The following FBLN1 variants were observed in gnomAD, a reference collection of about 807,000 sequenced individuals.
FBLN1 encodes the protein fibulin 1, also known as fibulin-1.
In FBLN1, 34 loss-of-function variants were observed where a neutral mutation model predicts 89.7. That is an observed-to-expected ratio of 0.38 (90% CI 0.29 to 0.50). The LOEUF is 0.50. Ranked by LOEUF, FBLN1 falls within the 20% of genes least tolerant of loss-of-function variation. The pLI is 0.92. For synonymous variants in FBLN1, 393 were observed against 391.3 expected, an observed-to-expected ratio of 1.00 and a Z score of -0.05; for missense variants, 777 against 988.1, an observed-to-expected ratio of 0.79 and a Z score of 2.86.
In FBLN1 at chr22:45,600,334, T is replaced by C. The variant is rs772037348; in HGVS notation, c.2000T>C (p.Val667Ala). 6.2e-7 allele frequency: 1 copy of C among 1,614,212 alleles called. No homozygotes were observed. The highest frequency in any genetic ancestry group is 8.5e-7 in the Non-Finnish European group (1 of 1,180,034). The change falls in exon 17 of 17, where the codon GTG (valine) becomes GCG (alanine). Residue 667 changes from valine to alanine, a missense_variant. By Grantham distance (64) the Val-to-Ala change is moderately conservative. Coordinates refer to ENST00000327858, the MANE Select transcript of FBLN1 (RefSeq NM_006486.3). ...VGVVRQVRPIVGPFHAVLKLE... is the reference protein window; with the variant it reads ...VGVVRQVRPIAGPFHAVLKLE... ...GTCGTGCGCCAGGTGCGGCCCATCG[T>C]GGGCCCATTTCATGCCGTCCTGAAG... is the stretch of plus-strand genomic sequence containing the variant.
intron 2 of FBLN1, among the ~76,000 whole-genome samples, chr22:45,520,296 G>A (rs1045520426): frequency 1.3e-5 from 2 of 152,178 alleles, no homozygotes; most frequent in Non-Finnish European, 2.9e-5. Flanking sequence ...CTCAACCACC[G>A]GTTCCTCATA....
intron 14 of FBLN1, among the ~76,000 whole-genome samples, chr22:45,555,848 C>T (rs2088781627): frequency 1.3e-5 from 2 of 152,148 alleles, no homozygotes; most frequent in South Asian, 4.1e-4. Context: ...CAATCCCCAA[C>T]CCAAATACTA....
chr22:45,583,777 G>A lies in FBLN1; in HGVS notation c.1972+6669G>A, dbSNP rs1000532620. 3.9e-5 allele frequency among the ~76,000 whole-genome samples: 6 copies of A among 152,120 alleles called. No homozygotes were observed. The highest frequency in any genetic ancestry group is 7.2e-5 in the African/African-American group (3 of 41,406). ...TGCAGGGCCAATGGGAAGGGGAAGC[G>A]CCTGCAGCATGAGAGAGAGAGAGAA... On this transcript the variant is annotated intron_variant, in intron 16 of 16. Transcript: ENST00000327858. The surrounding 1 kb of genome is among the most constrained non-coding windows in gnomAD (Gnocchi z 4.5).
intron 16 of FBLN1, among the ~76,000 whole-genome samples, chr22:45,593,743 G>A (rs1601546342): frequency 6.6e-6 from 1 of 152,190 alleles, no homozygotes; most frequent in African/African-American, 2.4e-5. Flanking sequence ...AGGACAAAGT[G>A]TTGTCTTCGT....
Position 45,558,398 on chromosome 22 carries a change from G to A in FBLN1, c.1697+7783G>A, listed in dbSNP as rs2731. The A allele has an allele frequency of 0.61, 127,140 of 207,316 alleles. 39,781 individuals carry two copies. The highest frequency in any genetic ancestry group is 0.79 in the African/African-American group (34,104 of 43,108). 12.8% of individuals were successfully genotyped at this position (207,316 alleles called of 1,614,324 possible). On this transcript the variant is annotated intron_variant, in intron 14 of 16. Coordinates refer to ENST00000327858, the MANE Select transcript of FBLN1 (RefSeq NM_006486.3). ...CAGGCCAAGAGCTGTCTCTCAAAAG[G>A]AGAGTAGTTATCTGCAGAAGATGGC...
In FBLN1 at chr22:45,572,227, A is replaced by C. The variant is rs1252666597; in HGVS notation, c.1698-2284A>C. ...TTGATTCCAGGTCTTGGGCAGTAAA[A>C]GTGTAAAATGAGGCTGGATCATCTC... On this transcript the variant is annotated intron_variant, in intron 14 of 16. Coordinates refer to ENST00000327858, the MANE Select transcript of FBLN1 (RefSeq NM_006486.3). The surrounding 1 kb of genome is among the most constrained non-coding windows in gnomAD (Gnocchi z 5.8). 2.0e-5 allele frequency among the ~76,000 whole-genome samples: 3 copies of C among 152,204 alleles called. No homozygotes were observed. Among genetic ancestry groups the C allele is most frequent in the African/African-American group, 7.2e-5 (3 of 41,454 alleles).
intron 16 of FBLN1, among the ~76,000 whole-genome samples, chr22:45,585,611 G>C (rs3788663): frequency 0.36 from 54,467 of 151,942 alleles, 11,647 homozygotes; most frequent in Admixed American, 0.52. Flanking sequence ...CACCCCGGGG[G>C]CCACACCCTG....
intron 3 of FBLN1, among the ~76,000 whole-genome samples, chr22:45,527,101 C>T (rs933631425): frequency 6.6e-6 from 1 of 152,206 alleles, no homozygotes; most frequent in African/African-American, 2.4e-5. Flanking sequence ...ATCAGTGCCA[C>T]ATAACTGAGG....
chr22:45,519,707 T>C (rs1318486769), intron 2 of FBLN1, among the ~76,000 whole-genome samples: 4 of 151,440 alleles, frequency 2.6e-5, no homozygotes, highest in Admixed American at 1.3e-4. Flanking sequence ...AACCCCAGAA[T>C]GCCCGTGTGG....
chr22:45,574,796 T>C lies in FBLN1; in HGVS notation c.1840+143T>C, dbSNP rs1215917348. ...AACTTTCTTTTTTTTTTTTTTTTTT[T>C]TTTGAGACGGAGTCTCGCTCTGTCG... On this transcript the variant is annotated intron_variant, in intron 15 of 16. Coordinates refer to ENST00000327858, the MANE Select transcript of FBLN1 (RefSeq NM_006486.3). This position sits in a 1 kb window ranked among gnomAD's most constrained non-coding sequence, Gnocchi z 4.1. The C allele has an allele frequency of 5.1e-6, 4 of 780,822 alleles. No homozygotes were observed. Among genetic ancestry groups the C allele is most frequent in the Non-Finnish European group, 7.9e-6 (4 of 505,940 alleles). 48.4% of individuals were successfully genotyped at this position (780,822 alleles called of 1,614,324 possible).
At position 45,576,862 on chromosome 22, in the gene FBLN1, T is replaced by G; in HGVS notation, c.1841-115T>G. 7.7e-7 allele frequency: 1 copy of G among 1,300,424 alleles called. No individual in the cohort carries two copies. Among genetic ancestry groups the G allele is most frequent in the Non-Finnish European group, 1.1e-6 (1 of 922,218 alleles). 80.6% of individuals were successfully genotyped at this position (1,300,424 alleles called of 1,614,324 possible). On this transcript the variant is annotated intron_variant, in intron 15 of 16. Transcript: ENST00000327858. The surrounding 1 kb of genome is among the most constrained non-coding windows in gnomAD (Gnocchi z 5.2). Reference sequence around the variant, plus strand: ...CTCTGGCTTCATTGATGTTGTCTCATGAAAGGGCCCTGGGTTAGGTCTTCA... The same window carrying G: ...CTCTGGCTTCATTGATGTTGTCTCAGGAAAGGGCCCTGGGTTAGGTCTTCA...
intron 14 of FBLN1, chr22:45,565,344 C>T: frequency 8.5e-7 from 1 of 1,171,312 alleles, no homozygotes; most frequent in Non-Finnish European, 1.1e-6. Context: ...ACCTGCCCCA[C>T]CCCAGCTCAT....
chr22:45,561,765 C>T lies in FBLN1; in HGVS notation c.1697+11150C>T, dbSNP rs1013983076. On this transcript the variant is annotated intron_variant, in intron 14 of 16. Transcript: ENST00000327858. This position sits in a 1 kb window ranked among gnomAD's most constrained non-coding sequence, Gnocchi z 4.7. ...AGAGTTTATTAAGCATTAACTCACA[C>T]GATCACAAGGTCCCACAATAGGCCA... Among the ~76,000 whole-genome samples the T allele has an allele frequency of 2.6e-5, 4 of 152,120 alleles. No homozygotes were observed. Among genetic ancestry groups the T allele is most frequent in the Non-Finnish European group, 4.4e-5 (3 of 68,030 alleles).
intron 2 of FBLN1, among the ~76,000 whole-genome samples, chr22:45,520,092 C>G (rs1281574431): frequency 6.6e-6 from 1 of 152,180 alleles, no homozygotes; most frequent in African/African-American, 2.4e-5. Context: ...ATCGCTTGAA[C>G]CCGGGAAGCG....
At chr22:45,542,626 C>T (rs1602192388) in intron 10 of FBLN1, among the ~76,000 whole-genome samples, 1 of 152,170 alleles carries the variant, frequency 6.6e-6, no homozygotes, top group Non-Finnish European at 1.5e-5. Context: ...GCTGTAGATC[C>T]CCAGGAGCTA....
chr22:45,550,680 G>A lies in FBLN1; in HGVS notation c.1697+65G>A, dbSNP rs774304992. 1.3e-4 allele frequency: 211 copies of A among 1,611,298 alleles called. No individual in the cohort carries two copies. The highest frequency in any genetic ancestry group is 1.4e-4 in the Non-Finnish European group (170 of 1,178,278). On this transcript the variant is annotated intron_variant, in intron 14 of 16. Coordinates refer to ENST00000327858, the MANE Select transcript of FBLN1 (RefSeq NM_006486.3). This position sits in a 1 kb window ranked among gnomAD's most constrained non-coding sequence, Gnocchi z 8.4. ...TGGCCTTCCTGGTGACCCAGTTCCC[G>A]GGTGGGTGGGTTATCAGGCTGTGAC... is the stretch of plus-strand genomic sequence containing the variant.
At chr22:45,526,775 G>A (rs1215961796) in intron 3 of FBLN1, among the ~76,000 whole-genome samples, 2 of 152,316 alleles carry the variant, frequency 1.3e-5, no homozygotes, top group East Asian at 3.9e-4. Flanking sequence ...TGGGTGGGGT[G>A]ATGGTGGGGG....
rs968784458 is a variant in FBLN1 at position 45,550,262 on chromosome 22, G to C, written c.1574-230G>C. Among the ~76,000 whole-genome samples the C allele has an allele frequency of 2.0e-5, 3 of 152,140 alleles. No individual in the cohort carries two copies. The highest frequency in any genetic ancestry group is 7.2e-5 in the African/African-American group (3 of 41,424). On this transcript the variant is annotated intron_variant, in intron 13 of 16. Coordinates refer to ENST00000327858, the MANE Select transcript of FBLN1 (RefSeq NM_006486.3). The surrounding 1 kb of genome is among the most constrained non-coding windows in gnomAD (Gnocchi z 8.4). ...TAGTGTTTACTTTTACCATCGTCAC[G>C]CTCCCTCCAGGGATTGCGAATGATA...
At chr22:45,508,286 C>CTTTTTTTTT (rs1350335831) in intron 1 of FBLN1, among the ~76,000 whole-genome samples, 1 of 129,132 alleles carries the variant, frequency 7.7e-6, no homozygotes, top group African/African-American at 2.9e-5. Context: ...CCTCGCGTAT[C>CTTTTTTTTT]TTTTTTTTTG....
Sources: allele counts gnomAD v4.1 joint callset (sites outside exome capture counted in the v4.1 genomes callset), GRCh38; gene constraint gnomAD v4.1.1; non-coding constraint Gnocchi (gnomAD v3.1); transcripts MANE v1.5; gene names NCBI Gene and HGNC (gene_info 2026-07-23, HGNC 2026-07-21).